The following PBRM1 variants were observed in gnomAD, a reference collection of about 807,000 sequenced individuals.
PBRM1 encodes protein polybromo-1.
A neutral mutation model predicts 194.5 loss-of-function variants in PBRM1; 27 were observed. The ratio of observed to expected loss-of-function variants is 0.14; its 90% CI spans 0.10 to 0.19. PBRM1 has a LOEUF of 0.19. Ranked by LOEUF, PBRM1 falls within the 10% of genes least tolerant of loss-of-function variation. PBRM1 has a pLI of 1.00. For missense variants in PBRM1, 1,466 were observed against 2,077.2 expected, an observed-to-expected ratio of 0.71 and a Z score of 5.72; for synonymous variants, 655 against 693.2, an observed-to-expected ratio of 0.94 and a Z score of 0.87.
upstream of PBRM1, chr3:52,679,769 C>A: frequency 6.5e-7 from 1 of 1,526,824 alleles, no homozygotes. Context: ...TAAATAGACT[C>A]TGTCACCAAG....
chr3:52,597,689 C>T (rs1020835307), intron 17 of PBRM1, among the ~76,000 whole-genome samples: 6 of 152,038 alleles, frequency 3.9e-5, no homozygotes, highest in South Asian at 4.2e-4. Flanking sequence ...ATCTTAGCCT[C>T]GTGTGGTGGC....
chr3:52,571,443 T>A (rs745972555), intron 22 of PBRM1, among the ~76,000 whole-genome samples: 10 of 150,502 alleles, frequency 6.6e-5, no homozygotes, highest in Non-Finnish European at 1.5e-4. Flanking sequence ...CTGGCCAACA[T>A]GGTGAAACCC....
rs180972593 is a variant in PBRM1 at position 52,574,310 on chromosome 3, T to G, written c.3691+2231A>C. On this transcript the variant is annotated intron_variant, in intron 22 of 29. Transcript: ENST00000296302. Reference sequence around the variant, plus strand: ...ATGAGCCCTTTTTATAAAAGCAATATTGTATTCACGAGGACAAGCCCTCAT... The same window carrying G: ...ATGAGCCCTTTTTATAAAAGCAATAGTGTATTCACGAGGACAAGCCCTCAT... Among the ~76,000 whole-genome samples the G allele has an allele frequency of 3.3e-5, 5 of 152,302 alleles. No homozygotes were observed. In the South Asian group the frequency reaches 1.0e-3, roughly 32 times the overall value.
intron 20 of PBRM1, among the ~76,000 whole-genome samples, chr3:52,580,347 T>A (rs1214768129): frequency 6.6e-6 from 1 of 152,108 alleles, no homozygotes; most frequent in Non-Finnish European, 1.5e-5. Flanking sequence ...GATATAAACA[T>A]GCTTTTTTTG....
At chr3:52,631,010 T>C (rs17052355) in intron 11 of PBRM1, among the ~76,000 whole-genome samples, 6,054 of 152,322 alleles carry the variant, frequency 0.04, 407 homozygotes, top group African/African-American at 0.14. Flanking sequence ...ACTATCACTA[T>C]CTTTTCCCAA....
chr3:52,636,480 G>A (rs1261549756), intron 10 of PBRM1, among the ~76,000 whole-genome samples: 1 of 151,646 alleles, frequency 6.6e-6, no homozygotes, highest in Non-Finnish European at 1.5e-5. Context: ...AATTTAGGCT[G>A]GGCACGGTGG....
At position 52,583,744 on chromosome 3, in the gene PBRM1, G is replaced by A. The variant is rs559635033; in HGVS notation, c.3387+2681C>T. On this transcript the variant is annotated intron_variant, in intron 20 of 29. Transcript: ENST00000296302. ...TTTATATAATGAACAGAAAATCCTCGTCTATTCCAAGTTTATTATTGAAAA... is the reference window on the plus strand; with the variant it reads ...TTTATATAATGAACAGAAAATCCTCATCTATTCCAAGTTTATTATTGAAAA... Among the ~76,000 whole-genome samples, 130 of 151,922 alleles carry A rather than the reference G, an allele frequency of 8.6e-4. 1 individual carries two copies. The highest frequency in any genetic ancestry group is 1.9e-3 in the South Asian group (9 of 4,810).
At chr3:52,672,911 A>G (rs2096983224) in intron 2 of PBRM1, among the ~76,000 whole-genome samples, 1 of 152,192 alleles carries the variant, frequency 6.6e-6, no homozygotes, top group African/African-American at 2.4e-5. Context: ...CTCTCTGTGT[A>G]ATTTAAAAAA....
intron 22 of PBRM1, among the ~76,000 whole-genome samples, chr3:52,567,894 C>T (rs868441925): frequency 4.6e-5 from 7 of 150,868 alleles, no homozygotes; most frequent in African/African-American, 1.7e-4. Context: ...GATGATCCGC[C>T]TCCCTCAGCC....
intron 2 of PBRM1, among the ~76,000 whole-genome samples, chr3:52,673,193 G>A (rs768835348): frequency 4.0e-5 from 6 of 150,480 alleles, no homozygotes; most frequent in Admixed American, 6.6e-5. Context: ...TCACTATGTT[G>A]GCCAGGCTGG....
intron 6 of PBRM1, 104 bp from the exon 8 acceptor site, chr3:52,648,546 AGACTT>A: frequency 1.6e-6 from 1 of 611,084 alleles, no homozygotes; most frequent in Non-Finnish European, 2.8e-6. Flanking sequence ...CCATATTCCA[AGACTT>A]TATTGGAAAG....
chr3:52,593,700 C>T (rs2093313729), intron 17 of PBRM1, among the ~76,000 whole-genome samples: 1 of 152,124 alleles, frequency 6.6e-6, no homozygotes. Context: ...AAAAGTCATC[C>T]AGGAGTAGGT....
At chr3:52,663,006 T>C (rs1377120183) in intron 3 of PBRM1, among the ~76,000 whole-genome samples, 1 of 152,126 alleles carries the variant, frequency 6.6e-6, no homozygotes, top group Non-Finnish European at 1.5e-5. Flanking sequence ...GCTCATGAAG[T>C]ATAGTGGGCA....
At chr3:52,639,071 G>A (rs934700995) in intron 10 of PBRM1, among the ~76,000 whole-genome samples, 7 of 146,472 alleles carry the variant, frequency 4.8e-5, no homozygotes, top group African/African-American at 1.0e-4. Flanking sequence ...AGCAACCTCC[G>A]CCTCCCGGGT....
chr3:52,668,506 A>G, exon 3 of PBRM1: 1 of 1,598,178 alleles, frequency 6.3e-7, no homozygotes, highest in Non-Finnish European at 8.5e-7. Context: ...ACCTTATAAT[A>G]GGACTTTGCA....
At chr3:52,582,977 G>C (rs916283203) in intron 20 of PBRM1, among the ~76,000 whole-genome samples, 12 of 150,730 alleles carry the variant, frequency 8.0e-5, no homozygotes, top group African/African-American at 2.9e-4. Context: ...AGCGCCTGTA[G>C]TCCCAGCTAC....
At chr3:52,575,530 T>C (rs1244099460) in intron 22 of PBRM1, among the ~76,000 whole-genome samples, 1 of 147,528 alleles carries the variant, frequency 6.8e-6, no homozygotes, top group Non-Finnish European at 1.5e-5. Context: ...TTTTTTTTTT[T>C]TTTGAGACAG....
intron 1 of PBRM1, chr3:52,684,885 T>C (rs999390231): frequency 4.6e-5 from 7 of 152,224 alleles, no homozygotes; most frequent in African/African-American, 1.7e-4. Flanking sequence ...CAATCTTCCA[T>C]TTTGGAGCTC....
intron 21 of PBRM1, among the ~76,000 whole-genome samples, chr3:52,577,740 A>T (rs1352606312): frequency 6.6e-6 from 1 of 152,194 alleles, no homozygotes; most frequent in Non-Finnish European, 1.5e-5. Flanking sequence ...GGTCTGAAGC[A>T]TGATTGTTCT....
Sources: gnomAD v4.1 joint callset for allele counts (sites outside exome capture counted in the v4.1 genomes callset) on GRCh38, gnomAD v4.1.1 for gene constraint, MANE v1.5 for transcripts, NCBI Gene and HGNC (gene_info 2026-07-23, HGNC 2026-07-21) for gene names.